Variants in DOCK3 observed in about 807,000 individuals in gnomAD.
The protein encoded by DOCK3 is dedicator of cytokinesis protein 3.
In DOCK3, 60 loss-of-function variants were observed where a neutral mutation model predicts 265.6. The ratio of observed to expected loss-of-function variants is 0.23; its 90% CI spans 0.18 to 0.28. DOCK3 has a LOEUF of 0.28. Ranked by LOEUF, DOCK3 falls within the 10% of genes least tolerant of loss-of-function variation. DOCK3 has a pLI of 1.00. For synonymous variants in DOCK3, 881 were observed against 938.0 expected, an observed-to-expected ratio of 0.94 and a Z score of 1.11; for missense variants, 1,981 against 2,594.3, an observed-to-expected ratio of 0.76 and a Z score of 5.14.
chr3:51,236,316 T>C, intron 19 of DOCK3, 29 bp from the exon 20 acceptor site: 1 of 1,567,902 alleles, frequency 6.4e-7, no homozygotes, highest in South Asian at 1.1e-5. Context: ...TCCTGAGACC[T>C]GAGCCCTCTG....
intron 1 of DOCK3, among the ~76,000 whole-genome samples, chr3:50,770,369 G>T (rs981671707): frequency 6.6e-6 from 1 of 150,926 alleles, no homozygotes; most frequent in African/African-American, 2.4e-5. Flanking sequence ...AAATTAAATA[G>T]TTAAGAATTA....
chr3:50,935,436 T>C (rs1483790746), intron 5 of DOCK3, among the ~76,000 whole-genome samples: 1 of 152,122 alleles, frequency 6.6e-6, no homozygotes, highest in Non-Finnish European at 1.5e-5. Context: ...AAATTAAACT[T>C]TCACCCCCTA....
intron 5 of DOCK3, among the ~76,000 whole-genome samples, chr3:50,994,878 C>T (rs2078225733): frequency 6.6e-6 from 1 of 152,124 alleles, no homozygotes; most frequent in Non-Finnish European, 1.5e-5. Context: ...TAAATGTTAC[C>T]TGTTATCATC....
Position 50,841,663 on chromosome 3 carries a change from G to A in DOCK3, c.122-12G>A, listed in dbSNP as rs1172639237. 6 of 1,300,376 alleles carry A rather than the reference G, an allele frequency of 4.6e-6. No individual in the cohort carries two copies. The highest frequency in any genetic ancestry group is 6.1e-6 in the Non-Finnish European group (6 of 984,080). 80.6% of individuals were successfully genotyped at this position (1,300,376 alleles called of 1,614,324 possible). A position where few individuals can be genotyped will look rare whatever the true frequency, so the allele number is the denominator to read the frequency against. On this transcript the variant is annotated splice_polypyrimidine_tract_variant and intron_variant, in intron 2 of 52. Transcript: ENST00000266037. ...CATTGTGATTTTAATATTCTCTTAT[G>A]CTTTGTTTTAGGTTGGTACAGAGGA... is the stretch of plus-strand genomic sequence containing the variant.
At chr3:51,057,021 C>T (rs1028567597) in intron 5 of DOCK3, among the ~76,000 whole-genome samples, 25 of 151,942 alleles carry the variant, frequency 1.6e-4, no homozygotes, top group Non-Finnish European at 1.5e-4. Flanking sequence ...TTAATTGGTC[C>T]GTAAGCATAT....
intron 2 of DOCK3, among the ~76,000 whole-genome samples, chr3:50,835,284 A>G (rs1386671125): frequency 2.6e-5 from 4 of 152,192 alleles, no homozygotes; most frequent in African/African-American, 9.7e-5. Flanking sequence ...CACACCTTGC[A>G]TGCAAAACTG....
intron 1 of DOCK3, among the ~76,000 whole-genome samples, chr3:50,693,926 A>G (rs556024645): frequency 1.3e-5 from 2 of 152,158 alleles, no homozygotes; most frequent in African/African-American, 4.8e-5. Flanking sequence ...TGCTGAATTC[A>G]TTTATTAGCT....
intron 32 of DOCK3, among the ~76,000 whole-genome samples, chr3:51,327,813 G>T (rs1352352273): frequency 6.6e-6 from 1 of 151,772 alleles, no homozygotes; most frequent in African/African-American, 2.4e-5. Flanking sequence ...CCAAGTAGCT[G>T]GGACTATAGG....
intron 5 of DOCK3, among the ~76,000 whole-genome samples, chr3:50,995,175 A>G (rs1206953165): frequency 6.6e-6 from 1 of 152,202 alleles, no homozygotes; most frequent in Non-Finnish European, 1.5e-5. Flanking sequence ...TTCAATAGAA[A>G]AATGTTCTAG....
Position 51,227,314 on chromosome 3 carries a change from A to G in DOCK3, c.1409A>G (p.Asn470Ser), listed in dbSNP as rs1382008405. ...ATCAGCTTGGGTTCAGGAGAGCCAA[A>G]TAGGAGTTCCTACCACTCCTTTGTC... ...DCISLGSGEP[N>S]RSSYHSFVLY... Residue 470 changes from asparagine to serine, a missense_variant, in exon 16 of 53, where the codon AAT becomes AGT. Coordinates refer to ENST00000266037, the MANE Select transcript of DOCK3 (RefSeq NM_004947.5). 1.2e-6 allele frequency: 2 copies of G among 1,613,854 alleles called. No homozygotes were observed. The highest frequency in any genetic ancestry group is 4.5e-5 in the East Asian group (2 of 44,874).
intron 4 of DOCK3, among the ~76,000 whole-genome samples, chr3:50,896,970 T>C (rs2048924203): frequency 6.6e-6 from 1 of 152,210 alleles, no homozygotes; most frequent in Non-Finnish European, 1.5e-5. Context: ...CTATACGGGC[T>C]CTTTTGTGGT....
intron 39 of DOCK3, 88 bp downstream of exon 39, chr3:51,349,026 G>T: frequency 7.8e-7 from 1 of 1,277,946 alleles, no homozygotes; most frequent in Non-Finnish European, 1.1e-6. Context: ...TTAGTTTAGT[G>T]CTGTGGACAA....
intron 12 of DOCK3, among the ~76,000 whole-genome samples, chr3:51,196,040 A>G (rs775035780): frequency 2.6e-5 from 4 of 151,684 alleles, no homozygotes; most frequent in South Asian, 2.1e-4. Flanking sequence ...GGCTCAAGCA[A>G]TCTTCCTGCC....
At chr3:51,289,268 T>G (rs917226174) in intron 27 of DOCK3, among the ~76,000 whole-genome samples, 3 of 151,986 alleles carry the variant, frequency 2.0e-5, no homozygotes, top group Non-Finnish European at 2.9e-5. Context: ...CCACAGATAC[T>G]AGGGCCTATT....
intron 14 of DOCK3, among the ~76,000 whole-genome samples, chr3:51,225,154 G>A (rs79356845): frequency 0.018 from 2,788 of 152,256 alleles, 27 homozygotes; most frequent in Middle Eastern, 0.034. Flanking sequence ...CAGGAGGAAG[G>A]AAAAGTAATA....
At chr3:51,190,100 A>C (rs1421630193) in intron 12 of DOCK3, among the ~76,000 whole-genome samples, 1 of 152,162 alleles carries the variant, frequency 6.6e-6, no homozygotes, top group Non-Finnish European at 1.5e-5. Context: ...CTGCTGAAGG[A>C]AACTTCCCAC....
intron 5 of DOCK3, among the ~76,000 whole-genome samples, chr3:51,055,430 T>C (rs1157805590): frequency 2.0e-5 from 3 of 152,236 alleles, no homozygotes; most frequent in African/African-American, 7.2e-5. Flanking sequence ...TTTTCTATTC[T>C]TTGACAAGTC....
intron 27 of DOCK3, among the ~76,000 whole-genome samples, chr3:51,283,840 T>G (rs2081271536): frequency 6.6e-6 from 1 of 152,116 alleles, no homozygotes; most frequent in African/African-American, 2.4e-5. Context: ...AAAAAGGTTG[T>G]GGTTTCGTAT....
At chr3:51,328,604 TAAAA>T (rs372897781) in intron 32 of DOCK3, among the ~76,000 whole-genome samples, 1 of 134,214 alleles carries the variant, frequency 7.5e-6, no homozygotes, top group Non-Finnish European at 1.6e-5. Context: ...AGACCACTAT[TAAAA>T]AAAAAAAAAA....
Sources: allele counts gnomAD v4.1 joint callset (sites outside exome capture counted in the v4.1 genomes callset), GRCh38; gene constraint gnomAD v4.1.1; transcripts MANE v1.5; gene names NCBI Gene and HGNC (gene_info 2026-07-23, HGNC 2026-07-21).